Variants in TAFA5 observed in about 807,000 individuals in gnomAD.
The protein encoded by TAFA5 is TAFA chemokine like family member 5.
TAFA5 carries 6 observed loss-of-function variants against 15.3 expected under a neutral mutation model. That is an observed-to-expected ratio of 0.39 (90% CI 0.21 to 0.77). TAFA5 has a LOEUF of 0.77. TAFA5 is among the 30% of genes least tolerant of loss of function. TAFA5 has a pLI of 0.41. For synonymous variants in TAFA5, 103 were observed against 80.7 expected (o/e 1.28, Z -1.48); for missense variants, 161 against 193.1 (o/e 0.83, Z 0.98).
In TAFA5 at chr22:48,556,587, G is replaced by A. The variant is rs562762738; in HGVS notation, c.112+66883G>A. ...GGAAAGTGGGGTGTCCCGAAGAGGC[G>A]CTGGGGCAGCAGGGGATTCGTGTCC... is the stretch of plus-strand genomic sequence containing the variant. On this transcript the variant is annotated intron_variant, in intron 1 of 3. Transcript: ENST00000402357. 3.3e-5 allele frequency among the ~76,000 whole-genome samples: 5 copies of A among 152,368 alleles called. No homozygotes were observed. The South Asian group carries it at 8.3e-4, about 25-fold the overall frequency.
At chr22:48,703,608 C>G (rs1026061389) in intron 2 of TAFA5, among the ~76,000 whole-genome samples, 2 of 152,246 alleles carry the variant, frequency 1.3e-5, no homozygotes. Context: ...GAGCCTTGTG[C>G]TGGGTAGTGC....
intron 3 of TAFA5, among the ~76,000 whole-genome samples, chr22:48,723,343 T>C (rs1004934099): frequency 6.6e-6 from 1 of 152,226 alleles, no homozygotes; most frequent in African/African-American, 2.4e-5. Context: ...TTACTTTAAA[T>C]GTCAGCTCCC....
chr22:48,728,602 T>G (rs1929773985), intron 3 of TAFA5, among the ~76,000 whole-genome samples: 1 of 152,246 alleles, frequency 6.6e-6, no homozygotes, highest in African/African-American at 2.4e-5. Flanking sequence ...CCATTTAGAA[T>G]GTCATAGAAA....
At chr22:48,705,700 T>C (rs890530655) in intron 2 of TAFA5, among the ~76,000 whole-genome samples, 2 of 152,248 alleles carry the variant, frequency 1.3e-5, no homozygotes, top group African/African-American at 4.8e-5. Context: ...GTGGCCCTCC[T>C]ATACCTGGAG....
chr22:48,652,585 G>C (rs1927092856), intron 2 of TAFA5, among the ~76,000 whole-genome samples: 1 of 152,178 alleles, frequency 6.6e-6, no homozygotes, highest in Non-Finnish European at 1.5e-5. Context: ...ATCCAGGAGG[G>C]GGTCTGGGCC....
chr22:48,508,420 G>C lies in TAFA5; in HGVS notation c.112+18716G>C, dbSNP rs1244212632. Among the ~76,000 whole-genome samples the C allele has an allele frequency of 2.0e-5, 3 of 152,202 alleles. No individual in the cohort carries two copies. The East Asian group carries it at 5.8e-4, about 29-fold the overall frequency. On this transcript the variant is annotated intron_variant, in intron 1 of 3. Coordinates refer to ENST00000402357, the MANE Select transcript of TAFA5 (RefSeq NM_001082967.3). ...TGTTGGGAGTTTGGAAGTAAGAAAA[G>C]GAACAGGGTGTGCCCAGGTGAGGGG...
chr22:48,604,624 C>T (rs1925092786), intron 1 of TAFA5, among the ~76,000 whole-genome samples: 2 of 152,230 alleles, frequency 1.3e-5, no homozygotes, highest in Admixed American at 6.5e-5. Flanking sequence ...TTCGAAATTT[C>T]TCCCATGGAA....
intron 1 of TAFA5, among the ~76,000 whole-genome samples, chr22:48,495,668 G>C (rs1050677488): frequency 2.0e-5 from 3 of 152,214 alleles, no homozygotes; most frequent in Non-Finnish European, 4.4e-5. Context: ...TGTCTGGGCT[G>C]CCGTCACTTG....
intron 2 of TAFA5, chr22:48,693,154 C>T (rs1226687546): frequency 1.3e-6 from 1 of 794,318 alleles, no homozygotes; most frequent in South Asian, 1.8e-5. Context: ...CGAGTCGAAG[C>T]CTCTGCTGGA....
intron 3 of TAFA5, among the ~76,000 whole-genome samples, chr22:48,737,182 C>CT (rs949142068): frequency 1.3e-5 from 2 of 152,156 alleles, no homozygotes; most frequent in African/African-American, 4.8e-5. Flanking sequence ...GGCCAGACAC[C>CT]TGGCCACACA....
chr22:48,704,932 C>A (rs1929033011), intron 2 of TAFA5, among the ~76,000 whole-genome samples: 1 of 152,020 alleles, frequency 6.6e-6, no homozygotes, highest in Admixed American at 6.5e-5. Context: ...GCAGCATCTG[C>A]TTGCTGTGTC....
Position 48,608,658 on chromosome 22 carries a change from G to C in TAFA5, c.113-37939G>C, listed in dbSNP as rs566377933. ...GAGAATCCTCTTGGCGCCAATCCTG[G>C]TGAGGAAGGGCTGTTTTTACCTGTG... On this transcript the variant is annotated intron_variant, in intron 1 of 3. Transcript: ENST00000402357. Among the ~76,000 whole-genome samples, 4 of 152,342 alleles carry C rather than the reference G, an allele frequency of 2.6e-5. No individual in the cohort carries two copies. In the South Asian group the frequency reaches 8.3e-4, roughly 32 times the overall value.
chr22:48,584,431 TA>T, intron 1 of TAFA5, among the ~76,000 whole-genome samples: 2 of 139,188 alleles, frequency 1.4e-5, no homozygotes, highest in Admixed American at 7.3e-5. Context: ...CAAAATATAC[TA>T]TGTAAATACA....
intron 1 of TAFA5, among the ~76,000 whole-genome samples, chr22:48,602,728 C>A (rs1487828369): frequency 6.6e-6 from 1 of 152,114 alleles, no homozygotes; most frequent in African/African-American, 2.4e-5. Context: ...GACTGTGTGG[C>A]CTTGAAGTGT....
chr22:48,491,641 A>T (rs1324704026), intron 1 of TAFA5, among the ~76,000 whole-genome samples: 1 of 152,232 alleles, frequency 6.6e-6, no homozygotes, highest in Non-Finnish European at 1.5e-5. Context: ...CTGTCTCAAG[A>T]CACGCAGCGT....
At position 48,686,580 on chromosome 22, in the gene TAFA5, C is replaced by T. The variant is rs114411877; in HGVS notation, c.263-21137C>T. Among the ~76,000 whole-genome samples the T allele has an allele frequency of 7.2e-3, 1,098 of 152,238 alleles. 16 individuals are homozygous for T. The highest frequency in any genetic ancestry group is 0.025 in the African/African-American group (1,027 of 41,524). On this transcript the variant is annotated intron_variant, in intron 2 of 3. Transcript: ENST00000402357. ...GGGCACAGAAGTTCAAACCATAGAA[C>T]GTGATGCTCAGGTGTTTGGATGTTT...
intron 1 of TAFA5, among the ~76,000 whole-genome samples, chr22:48,498,351 G>A (rs1920936799): frequency 6.6e-6 from 1 of 152,146 alleles, no homozygotes; most frequent in Non-Finnish European, 1.5e-5. Context: ...AAGAGGCAGG[G>A]GCTGGAGGGC....
At chr22:48,554,792 G>C (rs528781575) in intron 1 of TAFA5, among the ~76,000 whole-genome samples, 1 of 152,352 alleles carries the variant, frequency 6.6e-6, no homozygotes, top group South Asian at 2.1e-4. Context: ...TCAAGAGCCT[G>C]CTGGTTTTTA....
chr22:48,517,674 C>G (rs918180729), intron 1 of TAFA5, among the ~76,000 whole-genome samples: 2 of 152,152 alleles, frequency 1.3e-5, no homozygotes, highest in African/African-American at 4.8e-5. Flanking sequence ...GACAGTCAGC[C>G]CCTTGCATGG....
Sources: gnomAD v4.1 joint callset for allele counts (sites outside exome capture counted in the v4.1 genomes callset) on GRCh38, gnomAD v4.1.1 for gene constraint, MANE v1.5 for transcripts, NCBI Gene and HGNC (gene_info 2026-07-23, HGNC 2026-07-21) for gene names.